The following HSPA12A variants were observed in gnomAD, a reference collection of about 807,000 sequenced individuals.
The protein encoded by HSPA12A is heat shock protein family A (Hsp70) member 12A, also known as heat shock 70 kDa protein 12A.
HSPA12A carries 28 observed loss-of-function variants against 69.2 expected under a neutral mutation model. That is an observed-to-expected ratio of 0.40 (90% CI 0.30 to 0.55). The LOEUF is 0.55. Ranked by LOEUF, HSPA12A falls within the 20% of genes least tolerant of loss-of-function variation. The pLI is 0.38. For synonymous variants in HSPA12A, 345 were observed against 370.5 expected (o/e 0.93, Z 0.79); for missense variants, 686 against 900.7 (o/e 0.76, Z 3.05).
chr10:116,847,859 C>T (rs530881258), intron 1 of HSPA12A, among the ~76,000 whole-genome samples: 6 of 152,248 alleles, frequency 3.9e-5, no homozygotes, highest in African/African-American at 1.4e-4. Context: ...ATTGAGATGT[C>T]AAATGAATCA....
chr10:116,778,458 C>T (rs1409094986), intron 2 of HSPA12A, among the ~76,000 whole-genome samples: 2 of 152,166 alleles, frequency 1.3e-5, no homozygotes, highest in Admixed American at 1.3e-4. Context: ...TGGCACACCT[C>T]AGGGCTGTGG....
Position 116,676,416 on chromosome 10 carries a change from C to T in HSPA12A, c.1373G>A (p.Ser458Asn), listed in dbSNP as rs782024633. Residue 458 changes from serine (S) to asparagine (N), a missense_variant, in exon 11 of 12, where the codon AGC (serine) becomes AAC (asparagine). Physicochemically the swap from Ser to Asn is conservative, Grantham distance 46. Coordinates refer to ENST00000369209, the MANE Select transcript of HSPA12A (RefSeq NM_025015.3). ...ATACTTACGGAGATGCTCAATGATG[C>T]TATCGATGGTCGGCTTAAAAAGGGC... ...MNALFKPTIDSIIEHLRDLFQ... is the reference protein window; with the variant it reads ...MNALFKPTIDNIIEHLRDLFQ... 1.2e-6 allele frequency: 2 copies of T among 1,613,696 alleles called. No homozygotes were observed. The highest frequency in any genetic ancestry group is 2.2e-5 in the East Asian group (1 of 44,898).
upstream of HSPA12A, among the ~76,000 whole-genome samples, chr10:116,744,347 G>T (rs1230901136): frequency 6.6e-6 from 1 of 152,206 alleles, no homozygotes; most frequent in East Asian, 1.9e-4. Flanking sequence ...CTGGCCAGGG[G>T]GGCCCTCCTC....
chr10:116,772,427 G>A (rs1371624034), intron 2 of HSPA12A, among the ~76,000 whole-genome samples: 1 of 152,102 alleles, frequency 6.6e-6, no homozygotes, highest in African/African-American at 2.4e-5. Flanking sequence ...AGCAGACTCT[G>A]TGGAGCTGCA....
intron 1 of HSPA12A, among the ~76,000 whole-genome samples, chr10:116,727,323 C>T (rs1343158975): frequency 6.6e-6 from 1 of 152,130 alleles, no homozygotes; most frequent in Admixed American, 6.5e-5. Flanking sequence ...CCTAGGCTGT[C>T]GGTCGGGGGC....
chr10:116,805,603 G>T (rs2133175017), intron 2 of HSPA12A, among the ~76,000 whole-genome samples: 1 of 152,148 alleles, frequency 6.6e-6, no homozygotes, highest in East Asian at 1.9e-4. Flanking sequence ...ACTGACTTGT[G>T]TTTGTCCTTG....
intron 2 of HSPA12A, among the ~76,000 whole-genome samples, chr10:116,785,640 C>T (rs939765291): frequency 9.2e-5 from 14 of 152,268 alleles, no homozygotes; most frequent in Admixed American, 6.5e-4. Context: ...TGCTGCCCAC[C>T]GCATGCTGCT....
At chr10:116,739,892 C>A (rs940230669) in intron 1 of HSPA12A, among the ~76,000 whole-genome samples, 17 of 152,130 alleles carry the variant, frequency 1.1e-4, no homozygotes, top group Non-Finnish European at 2.2e-4. Flanking sequence ...CCACCCCACC[C>A]CAACTGCACT....
intron 1 of HSPA12A, among the ~76,000 whole-genome samples, chr10:116,842,812 A>C (rs776396644): frequency 1.3e-5 from 2 of 152,098 alleles, no homozygotes; most frequent in Non-Finnish European, 2.9e-5. Flanking sequence ...CATCTTGTCC[A>C]GGCTGGTTTT....
chr10:116,794,538 C>T (rs1037713915), intron 2 of HSPA12A, among the ~76,000 whole-genome samples: 1 of 152,072 alleles, frequency 6.6e-6, no homozygotes, highest in African/African-American at 2.4e-5. Flanking sequence ...TTTGGCCAGG[C>T]GAGGTGTAAT....
chr10:116,778,805 T>C lies in HSPA12A; in HGVS notation c.91+56130A>G, dbSNP rs782368516. ...AATAAATTAGCTGGGCATGGTAGCA[T>C]GTGCCTATGGTCCTAGCTACTCAGA... On this transcript the variant is annotated intron_variant, in intron 2 of 12. Transcript: ENST00000635765. 3.9e-5 allele frequency among the ~76,000 whole-genome samples: 6 copies of C among 152,188 alleles called. No individual in the cohort carries two copies. The East Asian group carries it at 7.7e-4, about 20-fold the overall frequency.
chr10:116,681,645 C>T, intron 8 of HSPA12A, 146 bp downstream of exon 8: 1 of 656,834 alleles, frequency 1.5e-6, no homozygotes, highest in East Asian at 2.7e-5. Flanking sequence ...ATTACAGCTC[C>T]CAAAAGAGCT....
At chr10:116,756,538 G>C (rs80225795) in intron 2 of HSPA12A, among the ~76,000 whole-genome samples, 1 of 152,204 alleles carries the variant, frequency 6.6e-6, no homozygotes, top group Admixed American at 6.5e-5. Context: ...CTTGGCACAC[G>C]GGCACCCTCT....
chr10:116,677,619 G>A (rs1036498675), intron 10 of HSPA12A, among the ~76,000 whole-genome samples: 1 of 152,196 alleles, frequency 6.6e-6, no homozygotes, highest in Non-Finnish European at 1.5e-5. Context: ...TGCTCCAAGG[G>A]CAAGAAGACC....
intron 2 of HSPA12A, among the ~76,000 whole-genome samples, chr10:116,762,568 A>G (rs1843994438): frequency 6.6e-6 from 1 of 151,924 alleles, no homozygotes. Context: ...CTCGCCTTAG[A>G]AACTCCCCTT....
intron 4 of HSPA12A, 75 bp from the exon 5 acceptor site, chr10:116,698,814 C>A: frequency 8.6e-7 from 1 of 1,162,648 alleles, no homozygotes; most frequent in Non-Finnish European, 1.3e-6. Context: ...GGGACTGCTC[C>A]AAGGGGACCT....
intron 2 of HSPA12A, among the ~76,000 whole-genome samples, chr10:116,821,419 G>A (rs919414249): frequency 2.6e-5 from 4 of 152,056 alleles, no homozygotes; most frequent in Middle Eastern, 3.2e-3. Flanking sequence ...CTGCTGCTCA[G>A]ATGCCACCTT....
At chr10:116,823,373 C>A (rs1845440402) in intron 2 of HSPA12A, among the ~76,000 whole-genome samples, 2 of 152,128 alleles carry the variant, frequency 1.3e-5, no homozygotes, top group African/African-American at 2.4e-5. Context: ...AATGCCCCCC[C>A]AAATGATCTA....
chr10:116,709,750 G>T (rs1162487212), intron 1 of HSPA12A, among the ~76,000 whole-genome samples: 1 of 152,138 alleles, frequency 6.6e-6, no homozygotes, highest in Non-Finnish European at 1.5e-5. Context: ...CTTTGGGGTA[G>T]TGAAAAATTT....
Sources: gnomAD v4.1 joint callset for allele counts (sites outside exome capture counted in the v4.1 genomes callset) on GRCh38, gnomAD v4.1.1 for gene constraint, MANE v1.5 for transcripts, NCBI Gene and HGNC (gene_info 2026-07-23, HGNC 2026-07-21) for gene names.